DISC1: variants seen among roughly 807,000 people sequenced by gnomAD.
DISC1 encodes disrupted in schizophrenia 1 protein.
In DISC1, 57 loss-of-function variants were observed where a neutral mutation model predicts 84.5. The ratio of observed to expected loss-of-function variants is 0.67; its 90% CI spans 0.55 to 0.84. DISC1 has a LOEUF of 0.84. Among genes scored for constraint, DISC1 ranks in the 40% least tolerant of loss-of-function variants. The probability of loss-of-function intolerance (pLI) is 0.00; values close to 1 mark genes in which losing one functional copy is unlikely to be tolerated. For synonymous variants in DISC1, 411 were observed against 415.2 expected (o/e 0.99, Z 0.12); for missense variants, 1,000 against 1,057.8 (o/e 0.95, Z 0.76).
At chr1:231,731,176 A>G (rs1003825832) in intron 3 of DISC1, among the ~76,000 whole-genome samples, 1 of 152,242 alleles carries the variant, frequency 6.6e-6, no homozygotes, top group Non-Finnish European at 1.5e-5. Context: ...GTATTGATTC[A>G]GGAAAGGCAA....
chr1:231,654,719 T>C (rs1403412411), intron 1 of DISC1, among the ~76,000 whole-genome samples: 1 of 152,204 alleles, frequency 6.6e-6, no homozygotes, highest in Non-Finnish European at 1.5e-5. Flanking sequence ...TATTTTTCTT[T>C]CTGTGCTTGG....
chr1:231,987,915 A>G (rs989258086), intron 10 of DISC1, among the ~76,000 whole-genome samples: 3 of 152,136 alleles, frequency 2.0e-5, no homozygotes, highest in African/African-American at 4.8e-5. Context: ...TGGGCCTGGT[A>G]TGGTGGCTTA....
At chr1:231,795,873 A>AG (rs1033865751) in intron 7 of DISC1, among the ~76,000 whole-genome samples, 3 of 152,102 alleles carry the variant, frequency 2.0e-5, no homozygotes, top group Non-Finnish European at 2.9e-5. Flanking sequence ...TGGGAGACAG[A>AG]GCGAGACTCT....
intron 1 of DISC1, among the ~76,000 whole-genome samples, chr1:231,658,687 A>AG (rs1027808583): frequency 6.6e-6 from 1 of 152,180 alleles, no homozygotes; most frequent in African/African-American, 2.4e-5. Flanking sequence ...TTTAACATGA[A>AG]GGGATGCCAG....
chr1:232,011,887 G>A (rs180813870), intron 11 of DISC1, among the ~76,000 whole-genome samples: 458 of 152,358 alleles, frequency 3.0e-3, no homozygotes, highest in African/African-American at 0.011. Context: ...GCTGGAAAGA[G>A]CACAAGGCTT....
intron 12 of DISC1, 141 bp from the exon 13 acceptor site, chr1:232,036,551 T>G: frequency 2.9e-6 from 2 of 699,042 alleles, no homozygotes; most frequent in Non-Finnish European, 4.1e-6. Flanking sequence ...AATATTTAAT[T>G]CATACAATTG....
At chr1:231,731,027 T>C (rs2071450314) in intron 3 of DISC1, among the ~76,000 whole-genome samples, 1 of 152,192 alleles carries the variant, frequency 6.6e-6, no homozygotes, top group Admixed American at 6.5e-5. Context: ...GCATGATCTA[T>C]CACATTTCCC....
chr1:231,885,532 G>A (rs1461017601), intron 9 of DISC1, among the ~76,000 whole-genome samples: 3 of 152,316 alleles, frequency 2.0e-5, no homozygotes, highest in South Asian at 2.1e-4. Flanking sequence ...ACCCAGCCGG[G>A]CAATGAAAGC....
chr1:231,788,249 C>T (rs1221274661), intron 6 of DISC1, among the ~76,000 whole-genome samples: 1 of 152,180 alleles, frequency 6.6e-6, no homozygotes, highest in African/African-American at 2.4e-5. Context: ...CACACCACTG[C>T]ACTCCAGCCT....
intron 9 of DISC1, among the ~76,000 whole-genome samples, chr1:231,824,897 T>TCCAC (rs1343740578): frequency 6.9e-6 from 1 of 144,180 alleles, no homozygotes; most frequent in East Asian, 1.9e-4. Context: ...CATCCATCCA[T>TCCAC]CCATCCATCC....
At chr1:231,955,124 G>A (rs1659201551) in intron 9 of DISC1, among the ~76,000 whole-genome samples, 1 of 152,176 alleles carries the variant, frequency 6.6e-6, no homozygotes, top group African/African-American at 2.4e-5. Flanking sequence ...TCTTCAGGTG[G>A]TGTGTCCATT....
chr1:231,808,690 C>T (rs577987456), intron 8 of DISC1, among the ~76,000 whole-genome samples: 1 of 152,326 alleles, frequency 6.6e-6, no homozygotes, highest in African/African-American at 2.4e-5. Flanking sequence ...CCAGGGGCTC[C>T]TCGCCTGGGA....
intron 10 of DISC1, among the ~76,000 whole-genome samples, chr1:232,007,514 T>TATAC (rs1667609820): frequency 6.6e-6 from 1 of 152,232 alleles, no homozygotes; most frequent in Admixed American, 6.5e-5. Context: ...GTGGGGCCTG[T>TATAC]AGCCCCTTTG....
chr1:231,724,173 T>C, intron 3 of DISC1: 1 of 422,584 alleles, frequency 2.4e-6, no homozygotes, highest in Non-Finnish European at 3.2e-6. Context: ...ATATCCTCTG[T>C]GTGGGGAAGG....
chr1:232,024,180 T>A (rs1669233883), intron 11 of DISC1, among the ~76,000 whole-genome samples: 1 of 152,162 alleles, frequency 6.6e-6, no homozygotes, highest in Non-Finnish European at 1.5e-5. Context: ...TTTAATTGTG[T>A]CCATATGTCC....
chr1:231,723,845 ATCT>A (rs2070231333), intron 3 of DISC1: 4 of 985,216 alleles, frequency 4.1e-6, no homozygotes, highest in Non-Finnish European at 4.8e-6. Context: ...GGTGGGCTAC[ATCT>A]TCTTACCCAA....
At chr1:231,946,120 C>A (rs536945909) in intron 9 of DISC1, among the ~76,000 whole-genome samples, 29 of 152,266 alleles carry the variant, frequency 1.9e-4, no homozygotes, top group Non-Finnish European at 3.7e-4. Flanking sequence ...ATGAGGCCAG[C>A]ATCATCCTGA....
At chr1:231,898,120 T>A (rs1298328839) in intron 9 of DISC1, among the ~76,000 whole-genome samples, 1 of 152,212 alleles carries the variant, frequency 6.6e-6, no homozygotes, top group African/African-American at 2.4e-5. Flanking sequence ...CACAGGAGTG[T>A]GAGCAGAGAG....
At chr1:231,813,196 C>T (rs1386194324) in intron 8 of DISC1, 1 of 152,196 alleles carries the variant, frequency 6.6e-6, no homozygotes, top group Non-Finnish European at 1.5e-5. Flanking sequence ...TTCCAATCTG[C>T]TTTTAGAGAT....
Sources: gnomAD v4.1 joint callset for allele counts (sites outside exome capture counted in the v4.1 genomes callset) on GRCh38, gnomAD v4.1.1 for gene constraint, MANE v1.5 for transcripts, NCBI Gene and HGNC (gene_info 2026-07-23, HGNC 2026-07-21) for gene names.